GSE1: variants seen among roughly 807,000 people sequenced by gnomAD.
The protein encoded by GSE1 is Gse1 coiled-coil protein, also known as genetic suppressor element 1.
Under a neutral mutation model 112.6 loss-of-function variants are expected in GSE1, and 32 were observed. The observed-to-expected ratio is 0.28, with a 90% CI of 0.21 to 0.38. The LOEUF (loss-of-function observed/expected upper bound fraction) is 0.38, where lower values mean the gene tolerates loss of function less well. Among genes scored for constraint, GSE1 ranks in the 10% least tolerant of loss-of-function variants. GSE1 has a pLI of 1.00. For synonymous variants in GSE1, 1,115 were observed against 735.6 expected (o/e 1.52, Z -8.35); for missense variants, 2,348 against 1,699.2 (o/e 1.38, Z -6.71).
At chr16:85,408,775 C>A (rs1395242054) in intron 2 of GSE1, among the ~76,000 whole-genome samples, 1 of 58,354 alleles carries the variant, frequency 1.7e-5, no homozygotes, top group East Asian at 6.7e-4. Flanking sequence ...CACTGTTGCA[C>A]TCAGGGTCCC....
chr16:85,587,326 A>C (rs2046753651), intron 1 of GSE1, among the ~76,000 whole-genome samples: 1 of 152,236 alleles, frequency 6.6e-6, no homozygotes, highest in Non-Finnish European at 1.5e-5. Context: ...AAATACATGC[A>C]GTAAATTTGC....
At chr16:85,520,971 C>T (rs28668770) in intron 2 of GSE1, among the ~76,000 whole-genome samples, 3,907 of 152,202 alleles carry the variant, frequency 0.026, 83 homozygotes, top group South Asian at 0.1. Flanking sequence ...GCAGACAGAC[C>T]GGTCCAACAG....
intron 2 of GSE1, among the ~76,000 whole-genome samples, chr16:85,517,663 C>CCTTTTCTT (rs1237438616): frequency 6.6e-6 from 1 of 152,222 alleles, no homozygotes; most frequent in Non-Finnish European, 1.5e-5. Context: ...AGCCTTTTCT[C>CCTTTTCTT]CTTTTCTTTT....
At chr16:85,660,531 C>G (rs936075056) in intron 8 of GSE1, among the ~76,000 whole-genome samples, 1 of 152,102 alleles carries the variant, frequency 6.6e-6, no homozygotes, top group African/African-American at 2.4e-5. Flanking sequence ...CCCAGCTACT[C>G]GGGAGGCTGA....
chr16:85,380,691 C>T (rs540506736), intron 2 of GSE1, among the ~76,000 whole-genome samples: 6 of 152,238 alleles, frequency 3.9e-5, no homozygotes, highest in South Asian at 2.1e-4. Context: ...CTCCATTTGG[C>T]GTGGCCCCGG....
intron 1 of GSE1, among the ~76,000 whole-genome samples, chr16:85,189,905 C>T (rs1434324385): frequency 1.3e-5 from 2 of 152,104 alleles, no homozygotes; most frequent in Non-Finnish European, 2.9e-5. Context: ...CTTTTCTTAA[C>T]CAGTATAGGA....
chr16:85,364,749 G>T (rs1392258959), intron 2 of GSE1, among the ~76,000 whole-genome samples: 5 of 152,038 alleles, frequency 3.3e-5, no homozygotes, highest in Non-Finnish European at 7.4e-5. Flanking sequence ...CGTTGGCCTG[G>T]ACCAGCTCAC....
intron 2 of GSE1, among the ~76,000 whole-genome samples, chr16:85,417,915 CTGCAACCTCCG>C (rs1478690571): frequency 1.3e-5 from 2 of 152,256 alleles, no homozygotes; most frequent in African/African-American, 4.8e-5. Flanking sequence ...TCTCGGCTCA[CTGCAACCTCCG>C]CCTCCCGAGT....
At chr16:85,561,986 A>G (rs1598189687) in intron 1 of GSE1, among the ~76,000 whole-genome samples, 2 of 152,110 alleles carry the variant, frequency 1.3e-5, no homozygotes, top group Admixed American at 1.3e-4. Flanking sequence ...GGGACGGGGC[A>G]CCCGCAGGGA....
At chr16:85,522,499 A>G (rs1186842541) in intron 2 of GSE1, among the ~76,000 whole-genome samples, 1 of 150,780 alleles carries the variant, frequency 6.6e-6, no homozygotes, top group Non-Finnish European at 1.5e-5. Flanking sequence ...GTTTCTCGTG[A>G]GAGTGATTGG....
At chr16:85,444,501 C>T (rs1228460182) in intron 2 of GSE1, among the ~76,000 whole-genome samples, 2 of 152,190 alleles carry the variant, frequency 1.3e-5, no homozygotes, top group Non-Finnish European at 2.9e-5. Context: ...CAACACCGGA[C>T]AGCCTGAGGA....
Position 85,528,347 on chromosome 16 carries a change from G to C in GSE1, c.2465-105567G>C, listed in dbSNP as rs556511645. Among the ~76,000 whole-genome samples the C allele has an allele frequency of 2.4e-4, 37 of 152,230 alleles. 1 individual carries two copies. In the South Asian group the frequency reaches 7.5e-3, roughly 31 times the overall value. ...TTGTTTGTTTGTTTGTTTTGAGTTG[G>C]AGTTTTTTCCTGTCACCCAGCTGGT... On this transcript the variant is annotated intron_variant, in intron 2 of 2. Coordinates refer to the GSE1 transcript ENST00000637419.
intron 2 of GSE1, among the ~76,000 whole-genome samples, chr16:85,413,028 T>C (rs1274719360): frequency 6.6e-6 from 1 of 152,190 alleles, no homozygotes; most frequent in Non-Finnish European, 1.5e-5. Context: ...AGGGCCTGGC[T>C]TCTGGAAGGT....
chr16:85,195,614 A>T (rs2074911800), intron 1 of GSE1, among the ~76,000 whole-genome samples: 1 of 152,094 alleles, frequency 6.6e-6, no homozygotes, highest in African/African-American at 2.4e-5. Flanking sequence ...CCCCCTGCTA[A>T]TCCCCTATCG....
intron 1 of GSE1, among the ~76,000 whole-genome samples, chr16:85,340,844 G>T (rs1005102564): frequency 6.6e-6 from 1 of 152,166 alleles, no homozygotes; most frequent in African/African-American, 2.4e-5. Flanking sequence ...AGGGTGGGCT[G>T]GAGCCCTGAG....
chr16:85,388,301 T>TGGAC lies in GSE1; in HGVS notation c.2464+30661_2464+30662insCGGA, dbSNP rs2047742086. Among the ~76,000 whole-genome samples the TGGAC allele has an allele frequency of 4.5e-5, 2 of 44,918 alleles. 1 individual carries two copies. Among genetic ancestry groups the TGGAC allele is most frequent in the Non-Finnish European group, 1.0e-4 (2 of 19,364 alleles). The allele number at this position is 44,918 out of a possible 152,430, so 29.5% of individuals were successfully genotyped here. A position where few individuals can be genotyped will look rare whatever the true frequency, so the allele number is the denominator to read the frequency against. The stretch of plus-strand genomic sequence containing the variant: ...GTGAGTGGATGGGTGGGTGGATGGA[T>TGGAC]GGATGGATGGATGGATGGATGGATG... On this transcript the variant is annotated intron_variant, in intron 2 of 2. Coordinates refer to the GSE1 transcript ENST00000637419.
intron 11 of GSE1, among the ~76,000 whole-genome samples, 156 bp downstream of exon 11, chr16:85,663,770 G>C (rs1363605469): frequency 6.6e-6 from 1 of 152,244 alleles, no homozygotes; most frequent in Non-Finnish European, 1.5e-5. Context: ...CAGCCTCTCT[G>C]TTCTTACAAG....
At chr16:85,480,796 G>A (rs1405456152) in intron 2 of GSE1, among the ~76,000 whole-genome samples, 1 of 152,168 alleles carries the variant, frequency 6.6e-6, no homozygotes, top group Admixed American at 6.5e-5. Context: ...TGATTTTTCT[G>A]CCTGACATCC....
chr16:85,342,534 A>G (rs1353455109), intron 1 of GSE1, among the ~76,000 whole-genome samples: 1 of 152,068 alleles, frequency 6.6e-6, no homozygotes, highest in Non-Finnish European at 1.5e-5. Context: ...CAGCCCCACC[A>G]GCCCCCACTC....
Sources: allele counts gnomAD v4.1 joint callset (sites outside exome capture counted in the v4.1 genomes callset), GRCh38; gene constraint gnomAD v4.1.1; transcripts MANE v1.5; gene names NCBI Gene and HGNC (gene_info 2026-07-23, HGNC 2026-07-21).